Variants in GNAI1 observed in about 807,000 individuals in gnomAD.
The protein encoded by GNAI1 is G protein subunit alpha i1, also known as guanine nucleotide-binding protein G(i) subunit alpha-1.
Under a neutral mutation model 38.9 loss-of-function variants are expected in GNAI1, and 11 were observed. The observed-to-expected ratio is 0.28, with a 90% CI of 0.18 to 0.47. The LOEUF (loss-of-function observed/expected upper bound fraction) is 0.47. GNAI1 is among the 20% of genes least tolerant of loss of function. The pLI is 0.99. For missense variants in GNAI1, 317 were observed against 436.9 expected (o/e 0.73, Z 2.45); for synonymous variants, 166 against 145.1 (o/e 1.14, Z -1.04).
In GNAI1 at chr7:80,160,405, G is replaced by C. The variant is rs1382716900; in HGVS notation, c.118+25127G>C. 4.6e-5 allele frequency among the ~76,000 whole-genome samples: 7 copies of C among 151,494 alleles called. No homozygotes were observed. In the East Asian group the frequency reaches 1.4e-3, roughly 29 times the overall value. On this transcript the variant is annotated intron_variant, in intron 1 of 7. Transcript: ENST00000649796. Reference sequence around the variant, plus strand: ...TATTCTGTAAGAGAAGAACTGTTAGGCTCAATTTTGTATTTTAGGCAGGTG... The same window carrying C: ...TATTCTGTAAGAGAAGAACTGTTAGCCTCAATTTTGTATTTTAGGCAGGTG...
At chr7:80,153,782 G>T (rs1205862072) in intron 1 of GNAI1, among the ~76,000 whole-genome samples, 1 of 152,068 alleles carries the variant, frequency 6.6e-6, no homozygotes. Context: ...TGATTGCCTA[G>T]TTTTCTTAAT....
chr7:80,160,812 T>G (rs182879620), intron 1 of GNAI1, among the ~76,000 whole-genome samples: 1 of 152,266 alleles, frequency 6.6e-6, no homozygotes, highest in Admixed American at 6.5e-5. Context: ...AAAAGTATAT[T>G]TTTTATATTC....
chr7:80,179,019 A>G (rs1003146443), intron 1 of GNAI1, among the ~76,000 whole-genome samples: 1 of 152,226 alleles, frequency 6.6e-6, no homozygotes, highest in African/African-American at 2.4e-5. Context: ...ATTACAGTAT[A>G]TTAAATGCAG....
chr7:80,217,330 CAT>C lies in GNAI1; in HGVS notation c.907_908del (p.Ile303SerfsTer5). On this transcript the variant is annotated frameshift_variant, in exon 8 of 8. Coordinates refer to ENST00000649796, the MANE Select transcript of GNAI1 (RefSeq NM_002069.6). LOFTEE classifies it high-confidence loss of function. ...TCAAACACATATGAAGAGGCAGCTG[CAT>C]ATATTCAATGTCAGTTTGAAGACCT... 6.3e-7 allele frequency: 1 copy of C among 1,593,322 alleles called. No homozygotes were observed. The highest frequency in any genetic ancestry group is 8.5e-7 in the Non-Finnish European group (1 of 1,171,348).
chr7:80,154,618 A>G (rs1787788049), intron 1 of GNAI1, among the ~76,000 whole-genome samples: 1 of 152,228 alleles, frequency 6.6e-6, no homozygotes, highest in South Asian at 2.1e-4. Context: ...GTTTACTACA[A>G]TAACTTTAGG....
chr7:80,159,820 T>C (rs1211866158), intron 1 of GNAI1, among the ~76,000 whole-genome samples: 1 of 152,136 alleles, frequency 6.6e-6, no homozygotes, highest in African/African-American at 2.4e-5. Context: ...TGTGGCACAT[T>C]TCTAGATTTC....
intron 1 of GNAI1, among the ~76,000 whole-genome samples, chr7:80,148,924 G>A (rs1437230157): frequency 6.6e-6 from 1 of 152,044 alleles, no homozygotes; most frequent in Non-Finnish European, 1.5e-5. Context: ...AGACTGATAT[G>A]TGGTATTACT....
In GNAI1 at chr7:80,219,664, C is replaced by T. The variant is rs1177419308; in HGVS notation, c.*2171C>T. Among the ~76,000 whole-genome samples the T allele has an allele frequency of 6.6e-6, 1 of 152,134 alleles. No individual in the cohort carries two copies. Among genetic ancestry groups the T allele is most frequent in the African/African-American group, 2.4e-5 (1 of 41,436 alleles). On this transcript the variant is annotated 3_prime_UTR_variant, in exon 8 of 8. Coordinates refer to ENST00000649796, the MANE Select transcript of GNAI1 (RefSeq NM_002069.6). ...ATTCTCTCCTTACACCAGTTCTCAC[C>T]CTGACTTTGCCATTTTTCCTTACTA...
In GNAI1 at chr7:80,203,785, T is replaced by C. The variant is rs746890591; in HGVS notation, c.543T>C (p.Thr181=). 8 of 1,586,512 alleles carry C rather than the reference T, an allele frequency of 5.0e-6. No individual in the cohort carries two copies. In the South Asian group the frequency reaches 6.7e-5, roughly 13 times the overall value. Residue 181 remains threonine, a synonymous_variant, in exon 5 of 8, where the codon ACT becomes ACC. Coordinates refer to ENST00000649796, the MANE Select transcript of GNAI1 (RefSeq NM_002069.6). ...QQDVLRTRVK[T]TGIVETHFTF... Reference sequence around the variant, plus strand: ...ATGTTCTCAGAACTAGAGTGAAAACTACAGGAATTGTTGAAACCCATTTTA... The same window carrying C: ...ATGTTCTCAGAACTAGAGTGAAAACCACAGGAATTGTTGAAACCCATTTTA...
At position 80,220,758 on chromosome 7, in the gene GNAI1, G is replaced by A. The variant is rs1381813396; in HGVS notation, c.*3265G>A. On this transcript the variant is annotated 3_prime_UTR_variant, in exon 8 of 8. Coordinates refer to ENST00000649796, the MANE Select transcript of GNAI1 (RefSeq NM_002069.6). ...AAGGCTTAAAGAGGTTAATTAACTT[G>A]AGCAAGACCAGATGAAGGTTTTAAA... 6.6e-6 allele frequency among the ~76,000 whole-genome samples: 1 copy of A among 152,114 alleles called. No homozygotes were observed. The highest frequency in any genetic ancestry group is 1.5e-5 in the Non-Finnish European group (1 of 68,020).
chr7:80,173,147 G>T (rs1235313368), intron 1 of GNAI1, among the ~76,000 whole-genome samples: 1 of 152,088 alleles, frequency 6.6e-6, no homozygotes, highest in African/African-American at 2.4e-5. Flanking sequence ...TCCACTTCCC[G>T]TACTTGTTTT....
chr7:80,214,866 A>G (rs1788933842), intron 7 of GNAI1, among the ~76,000 whole-genome samples: 1 of 152,142 alleles, frequency 6.6e-6, no homozygotes, highest in African/African-American at 2.4e-5. Flanking sequence ...TCATAGTCGT[A>G]TCTATTCTCA....
intron 3 of GNAI1, among the ~76,000 whole-genome samples, chr7:80,198,768 A>G (rs1234105939): frequency 6.6e-6 from 1 of 152,146 alleles, no homozygotes; most frequent in African/African-American, 2.4e-5. Context: ...TTGCAACTAT[A>G]AGGTATATCA....
At chr7:80,182,272 A>G (rs938092314) in intron 1 of GNAI1, among the ~76,000 whole-genome samples, 1 of 152,202 alleles carries the variant, frequency 6.6e-6, no homozygotes, top group Non-Finnish European at 1.5e-5. Flanking sequence ...GATTGATTGC[A>G]TAAGTTGGCT....
At chr7:80,190,656 AAAG>A (rs1419179449) in intron 3 of GNAI1, among the ~76,000 whole-genome samples, 2 of 152,174 alleles carry the variant, frequency 1.3e-5, no homozygotes, top group African/African-American at 4.8e-5. Context: ...GATTAAGAAA[AAAG>A]AATTAATAAA....
At chr7:80,172,047 A>G (rs997666552) in intron 1 of GNAI1, among the ~76,000 whole-genome samples, 11 of 152,162 alleles carry the variant, frequency 7.2e-5, no homozygotes, top group Non-Finnish European at 1.5e-4. Flanking sequence ...GCCTTTCTGT[A>G]ATCTTTTACT....
intron 1 of GNAI1, among the ~76,000 whole-genome samples, chr7:80,137,640 C>G (rs1339236005): frequency 1.3e-5 from 2 of 152,142 alleles, no homozygotes; most frequent in Non-Finnish European, 2.9e-5. Context: ...TTTCTCTAAA[C>G]CAGTACTGGT....
chr7:80,151,703 C>T (rs1334056699), intron 1 of GNAI1, among the ~76,000 whole-genome samples: 1 of 152,226 alleles, frequency 6.6e-6, no homozygotes, highest in Non-Finnish European at 1.5e-5. Context: ...ATACATCTGC[C>T]TCTAACTTTC....
intron 1 of GNAI1, among the ~76,000 whole-genome samples, chr7:80,139,725 A>G (rs1249073177): frequency 1.3e-5 from 2 of 152,210 alleles, no homozygotes; most frequent in Admixed American, 6.5e-5. Flanking sequence ...GGAATAGTAA[A>G]TTATGTGATG....
Sources: gnomAD v4.1 joint callset for allele counts (sites outside exome capture counted in the v4.1 genomes callset) on GRCh38, gnomAD v4.1.1 for gene constraint, MANE v1.5 for transcripts, NCBI Gene and HGNC (gene_info 2026-07-23, HGNC 2026-07-21) for gene names.